Variants in USO1 observed in about 807,000 individuals in gnomAD.
USO1 encodes USO1 vesicle transport factor.
A neutral mutation model predicts 124.5 loss-of-function variants in USO1; 57 were observed. The observed-to-expected ratio is 0.46, with a 90% CI of 0.37 to 0.57. The LOEUF is 0.57. Ranked by LOEUF, USO1 falls within the 20% of genes least tolerant of loss-of-function variation. USO1 has a pLI of 0.00. For synonymous variants in USO1, 369 were observed against 362.8 expected, an observed-to-expected ratio of 1.02 and a Z score of -0.19; for missense variants, 900 against 1,040.6, an observed-to-expected ratio of 0.86 and a Z score of 1.86.
intron 9 of USO1, among the ~76,000 whole-genome samples, chr4:75,784,359 A>G (rs1227322073): frequency 6.6e-6 from 1 of 152,196 alleles, no homozygotes; most frequent in Non-Finnish European, 1.5e-5. Context: ...CTAGAAAAGT[A>G]ATTTCCAAAA....
intron 9 of USO1, among the ~76,000 whole-genome samples, chr4:75,786,282 T>C (rs897855469): frequency 3.9e-5 from 6 of 152,206 alleles, no homozygotes; most frequent in African/African-American, 1.4e-4. Flanking sequence ...CATTGATTAC[T>C]TCTGTGTATC....
intron 8 of USO1, among the ~76,000 whole-genome samples, chr4:75,780,640 C>CTTTTTTTTTTTTTTTTTT (rs71210204): frequency 3.4e-5 from 2 of 59,138 alleles, no homozygotes; most frequent in Admixed American, 3.2e-4. Context: ...TAAATTTTGA[C>CTTTTTTTTTTTTTTTTTT]TTTTTTTTTT....
At chr4:75,793,170 A>AG (rs1205177294) in intron 12 of USO1, among the ~76,000 whole-genome samples, 1 of 149,666 alleles carries the variant, frequency 6.7e-6, no homozygotes, top group Non-Finnish European at 1.5e-5. Context: ...ATTTTGGATA[A>AG]GGGATACTCA....
At chr4:75,778,215 A>G (rs576798622) in intron 8 of USO1, among the ~76,000 whole-genome samples, 6 of 152,222 alleles carry the variant, frequency 3.9e-5, no homozygotes, top group Admixed American at 2.0e-4. Context: ...CTAATAGACT[A>G]TGTTTACCAG....
chr4:75,790,572 ATGAC>A, intron 11 of USO1, 67 bp from the exon 12 acceptor site: 2 of 1,526,096 alleles, frequency 1.3e-6, no homozygotes, highest in Non-Finnish European at 8.8e-7. Flanking sequence ...ATCAACAAAA[ATGAC>A]TAGTTATTGA....
At chr4:75,773,055 G>A (rs565837343) in intron 7 of USO1, among the ~76,000 whole-genome samples, 1 of 152,150 alleles carries the variant, frequency 6.6e-6, no homozygotes, top group East Asian at 1.9e-4. Context: ...CTGAGACTGT[G>A]CCATTGCACT....
At chr4:75,793,210 T>A (rs893267661) in intron 12 of USO1, among the ~76,000 whole-genome samples, 46 of 141,026 alleles carry the variant, frequency 3.3e-4, no homozygotes, top group African/African-American at 1.3e-3. Flanking sequence ...CTCTCCTTTT[T>A]TTTTTTTTTT....
intron 1 of USO1, among the ~76,000 whole-genome samples, chr4:75,736,997 AG>A (rs1720810756): frequency 6.6e-6 from 1 of 152,216 alleles, no homozygotes; most frequent in African/African-American, 2.4e-5. Flanking sequence ...CAGGTCATAG[AG>A]AAGGCAGAGG....
At chr4:75,740,608 C>T (rs978963622) in intron 1 of USO1, among the ~76,000 whole-genome samples, 2 of 152,184 alleles carry the variant, frequency 1.3e-5, no homozygotes, top group Non-Finnish European at 1.5e-5. Flanking sequence ...GTTTAGTATT[C>T]ACTAATTCAG....
At chr4:75,753,167 C>A (rs2149155018) in intron 3 of USO1, among the ~76,000 whole-genome samples, 1 of 152,224 alleles carries the variant, frequency 6.6e-6, no homozygotes, top group African/African-American at 2.4e-5. Flanking sequence ...GCTTGTAATT[C>A]CAGCACCTTG....
intron 4 of USO1, among the ~76,000 whole-genome samples, chr4:75,767,179 C>A (rs1721788862): frequency 6.6e-6 from 1 of 152,136 alleles, no homozygotes; most frequent in African/African-American, 2.4e-5. Flanking sequence ...TTCTTTCCTT[C>A]CCCCTTCCCT....
chr4:75,779,562 A>G (rs575020850), intron 8 of USO1, among the ~76,000 whole-genome samples: 18 of 152,346 alleles, frequency 1.2e-4, no homozygotes, highest in African/African-American at 4.1e-4. Context: ...GAAACCAGCC[A>G]CAACACTTCA....
intron 13 of USO1, chr4:75,795,192 G>A (rs943576512): frequency 8.6e-6 from 5 of 584,564 alleles, no homozygotes; most frequent in African/African-American, 3.8e-5. Context: ...TTGTATAAAA[G>A]AAGTATCATT....
At position 75,804,118 on chromosome 4, in the gene USO1, A is replaced by T. The variant is rs375405228; in HGVS notation, c.1987-16A>T. ...AGTATGACTTTAAAACACATGAATT[A>T]TGTTTTGTTTCACAGGATCTCCAAC... On this transcript the variant is annotated splice_polypyrimidine_tract_variant and intron_variant, in intron 17 of 23. Coordinates refer to ENST00000514213, the MANE Select transcript of USO1 (RefSeq NM_003715.4). 3 of 1,610,650 alleles carry T rather than the reference A, an allele frequency of 1.9e-6. No homozygotes were observed. In the African/African-American group the frequency reaches 4.0e-5, roughly 22 times the overall value.
intron 21 of USO1, 150 bp from the exon 22 acceptor site, chr4:75,810,282 G>C: frequency 2.5e-6 from 2 of 814,862 alleles, no homozygotes; most frequent in Non-Finnish European, 3.6e-6. Context: ...ACAGTGGAGA[G>C]CACTTTGTTG....
intron 13 of USO1, among the ~76,000 whole-genome samples, chr4:75,798,437 T>C (rs538769033): frequency 1.8e-4 from 28 of 152,324 alleles, no homozygotes; most frequent in African/African-American, 6.3e-4. Context: ...GTGACTGGTT[T>C]TTAACTTTCC....
chr4:75,793,736 GT>G lies in USO1; in HGVS notation c.1291del (p.Ser431LeufsTer65). Reference sequence around the variant, plus strand: ...CTGGCCAGTTATTATGTGGAGGTTTGTTTTCTACTGATTCACTTTCAAACTG... The same window carrying G: ...CTGGCCAGTTATTATGTGGAGGTTTGTTTCTACTGATTCACTTTCAAACTG... ...SAGQLLCGGL[F>X]STDSLSNWCA... On this transcript the variant is annotated frameshift_variant, in exon 13 of 24. Transcript: ENST00000514213. LOFTEE classifies it high-confidence loss of function. 6.2e-7 allele frequency: 1 copy of G among 1,613,052 alleles called. No individual in the cohort carries two copies. The highest frequency in any genetic ancestry group is 8.5e-7 in the Non-Finnish European group (1 of 1,179,414).
intron 4 of USO1, among the ~76,000 whole-genome samples, chr4:75,764,812 C>T (rs1721718419): frequency 6.6e-6 from 1 of 152,090 alleles, no homozygotes; most frequent in South Asian, 2.1e-4. Context: ...AAATTGGGAG[C>T]TTGTGTCAAC....
intron 1 of USO1, among the ~76,000 whole-genome samples, chr4:75,739,963 T>C (rs6531902): frequency 0.9 from 137,398 of 152,180 alleles, 62,183 homozygotes; most frequent in African/African-American, 0.97. Flanking sequence ...ATGTATATTA[T>C]GTAAGCATCA....
Sources: allele counts gnomAD v4.1 joint callset (sites outside exome capture counted in the v4.1 genomes callset), GRCh38; gene constraint gnomAD v4.1.1; transcripts MANE v1.5; gene names NCBI Gene and HGNC (gene_info 2026-07-23, HGNC 2026-07-21).